PIK3CB: variants seen among roughly 807,000 people sequenced by gnomAD.
PIK3CB encodes phosphatidylinositol 4,5-bisphosphate 3-kinase catalytic subunit beta isoform.
In PIK3CB, 39 loss-of-function variants were observed where a neutral mutation model predicts 136.8. That is an observed-to-expected ratio of 0.29 (90% CI 0.22 to 0.37). The LOEUF is 0.37. Among genes scored for constraint, PIK3CB ranks in the 10% least tolerant of loss-of-function variants. PIK3CB has a pLI of 1.00. For synonymous variants in PIK3CB, 428 were observed against 436.6 expected, an observed-to-expected ratio of 0.98 and a Z score of 0.25; for missense variants, 868 against 1,275.4, an observed-to-expected ratio of 0.68 and a Z score of 4.87.
chr3:138,825,808 G>A, intron 1 of PIK3CB: 1 of 970,768 alleles, frequency 1.0e-6, no homozygotes, highest in South Asian at 1.4e-5. Flanking sequence ...TACAACTGAA[G>A]CAGTCTGTTG....
chr3:138,701,437 G>T (rs565226148), intron 12 of PIK3CB, among the ~76,000 whole-genome samples: 23 of 152,124 alleles, frequency 1.5e-4, no homozygotes, highest in Middle Eastern at 3.4e-3. Context: ...AATCTACTCA[G>T]GTTATGTATA....
At chr3:138,741,357 C>G (rs149965262) in intron 5 of PIK3CB, among the ~76,000 whole-genome samples, 1 of 152,292 alleles carries the variant, frequency 6.6e-6, no homozygotes, top group African/African-American at 2.4e-5. Context: ...GGAAAGACAA[C>G]AACGCTTGTA....
intron 12 of PIK3CB, among the ~76,000 whole-genome samples, chr3:138,701,881 C>T (rs943274286): frequency 6.7e-6 from 1 of 150,066 alleles, no homozygotes; most frequent in Non-Finnish European, 1.5e-5. Flanking sequence ...TAGACCTATT[C>T]ATACTCACAT....
At chr3:138,730,933 A>G (rs146557461) in intron 8 of PIK3CB, among the ~76,000 whole-genome samples, 1 of 152,244 alleles carries the variant, frequency 6.6e-6, no homozygotes, top group African/African-American at 2.4e-5. Flanking sequence ...CTGTCTCTAA[A>G]TAAATAATTT....
chr3:138,817,579 C>T (rs951947314), intron 1 of PIK3CB, among the ~76,000 whole-genome samples: 29 of 152,278 alleles, frequency 1.9e-4, no homozygotes, highest in Middle Eastern at 3.4e-3. Flanking sequence ...TTAATCCTTG[C>T]AGGCACCCCT....
chr3:138,661,099 C>T (rs1334134326), intron 21 of PIK3CB, among the ~76,000 whole-genome samples: 1 of 152,232 alleles, frequency 6.6e-6, no homozygotes, highest in African/African-American at 2.4e-5. Context: ...GTGGAAGTGG[C>T]TGCAGATTGT....
chr3:138,716,323 G>A (rs1179996742), intron 8 of PIK3CB, among the ~76,000 whole-genome samples: 1 of 152,028 alleles, frequency 6.6e-6, no homozygotes, highest in Non-Finnish European at 1.5e-5. Context: ...CTCTGCATTG[G>A]AAAAATCTTC....
At chr3:138,673,646 C>T (rs361097) in intron 19 of PIK3CB, among the ~76,000 whole-genome samples, 2,139 of 152,032 alleles carry the variant, frequency 0.014, 46 homozygotes, top group Middle Eastern at 0.048. Flanking sequence ...GAAAATAAAA[C>T]AAAGGCTTGC....
At chr3:138,766,744 G>A (rs2045737004) in intron 2 of PIK3CB, among the ~76,000 whole-genome samples, 1 of 152,158 alleles carries the variant, frequency 6.6e-6, no homozygotes, top group Admixed American at 6.5e-5. Flanking sequence ...TAATGATTCA[G>A]CAACATACTG....
intron 19 of PIK3CB, among the ~76,000 whole-genome samples, chr3:138,680,597 T>C (rs1216895476): frequency 6.6e-6 from 1 of 152,112 alleles, no homozygotes; most frequent in Non-Finnish European, 1.5e-5. Flanking sequence ...TATAATAGTA[T>C]ATAAAAATAC....
intron 8 of PIK3CB, among the ~76,000 whole-genome samples, chr3:138,725,838 C>G (rs1292861830): frequency 6.6e-6 from 1 of 152,150 alleles, no homozygotes; most frequent in African/African-American, 2.4e-5. Flanking sequence ...TCACTGACGT[C>G]TATTGAACTA....
At chr3:138,728,825 C>G (rs566745525) in intron 8 of PIK3CB, among the ~76,000 whole-genome samples, 145 of 151,190 alleles carry the variant, frequency 9.6e-4, no homozygotes, top group Non-Finnish European at 1.4e-3. Context: ...TACAAATCAT[C>G]TCAAAAAATG....
chr3:138,797,487 T>C (rs1016410776), intron 1 of PIK3CB, among the ~76,000 whole-genome samples: 1 of 152,138 alleles, frequency 6.6e-6, no homozygotes, highest in African/African-American at 2.4e-5. Context: ...ATTACAATTA[T>C]TTTTCCCAAA....
intron 3 of PIK3CB, among the ~76,000 whole-genome samples, chr3:138,756,395 G>A (rs1280310702): frequency 6.6e-6 from 1 of 152,040 alleles, no homozygotes; most frequent in African/African-American, 2.4e-5. Flanking sequence ...TCACTTTCCT[G>A]TAAGCAGAAA....
intron 6 of PIK3CB, 129 bp from the exon 7 acceptor site, chr3:138,734,933 A>C: frequency 3.8e-4 from 191 of 508,976 alleles, no homozygotes; most frequent in Middle Eastern, 9.0e-4. Context: ...GCAGAATATC[A>C]AGAAATTAAA....
chr3:138,712,858 C>T (rs898242413), intron 9 of PIK3CB, among the ~76,000 whole-genome samples: 9 of 152,026 alleles, frequency 5.9e-5, no homozygotes, highest in African/African-American at 9.7e-5. Flanking sequence ...TGAGCCATCA[C>T]GCCCAGCCAA....
chr3:138,696,901 C>A (rs1230902450), intron 13 of PIK3CB, among the ~76,000 whole-genome samples: 1 of 152,070 alleles, frequency 6.6e-6, no homozygotes, highest in Non-Finnish European at 1.5e-5. Context: ...GAATACACTG[C>A]CCATAAATAA....
At chr3:138,805,475 C>A (rs1289614356) in intron 1 of PIK3CB, among the ~76,000 whole-genome samples, 1 of 151,608 alleles carries the variant, frequency 6.6e-6, no homozygotes, top group Admixed American at 6.6e-5. Flanking sequence ...TTGAGACCAT[C>A]CTGGCTAACA....
intron 12 of PIK3CB, among the ~76,000 whole-genome samples, chr3:138,700,720 T>C (rs947884426): frequency 2.6e-5 from 4 of 151,304 alleles, no homozygotes; most frequent in South Asian, 2.1e-4. Context: ...GATAGATAGA[T>C]AGATAGATAG....
Sources: allele counts gnomAD v4.1 joint callset (sites outside exome capture counted in the v4.1 genomes callset), GRCh38; gene constraint gnomAD v4.1.1; transcripts MANE v1.5; gene names NCBI Gene and HGNC (gene_info 2026-07-23, HGNC 2026-07-21).